The following CTNNBL1 variants were observed in gnomAD, a reference collection of about 807,000 sequenced individuals.
CTNNBL1 encodes catenin beta like 1, also known as beta-catenin-like protein 1.
In CTNNBL1, 31 loss-of-function variants were observed where a neutral mutation model predicts 72.7. That is an observed-to-expected ratio of 0.43 (90% CI 0.32 to 0.58). The LOEUF is 0.58. Ranked by LOEUF, CTNNBL1 falls within the 20% of genes least tolerant of loss-of-function variation. The pLI is 0.08. For missense variants in CTNNBL1, 534 were observed against 725.1 expected (o/e 0.74, Z 3.03); for synonymous variants, 240 against 267.3 (o/e 0.90, Z 1.00).
rs6020386 is a variant in CTNNBL1 at position 37,709,194 on chromosome 20, C to T, written c.30+15042C>T. On this transcript the variant is annotated intron_variant, in intron 1 of 15. Coordinates refer to ENST00000361383, the MANE Select transcript of CTNNBL1 (RefSeq NM_030877.5). ...CCAAGCAGAGTATCATGATGCTTCT[C>T]TCTGAATATATCTGACTTTATTCCA... Among the ~76,000 whole-genome samples the T allele has an allele frequency of 1.7e-3, 258 of 152,280 alleles. 3 individuals carry two copies. Among genetic ancestry groups the T allele is most frequent in the African/African-American group, 5.9e-3 (247 of 41,558 alleles).
At chr20:37,765,876 C>G (rs1203356361) in intron 6 of CTNNBL1, among the ~76,000 whole-genome samples, 1 of 152,116 alleles carries the variant, frequency 6.6e-6, no homozygotes, top group Non-Finnish European at 1.5e-5. Context: ...TTGAATCTCC[C>G]CAGTCTTTCC....
At chr20:37,740,580 G>T (rs2073207457) in intron 3 of CTNNBL1, among the ~76,000 whole-genome samples, 1 of 151,998 alleles carries the variant, frequency 6.6e-6, no homozygotes, top group South Asian at 2.1e-4. Flanking sequence ...ATTTTTGCAG[G>T]GACAGAATTA....
intron 11 of CTNNBL1, among the ~76,000 whole-genome samples, chr20:37,825,541 G>T (rs1474745128): frequency 1.3e-5 from 2 of 152,150 alleles, no homozygotes; most frequent in Non-Finnish European, 2.9e-5. Flanking sequence ...TGGGCGTGGT[G>T]GTGGGCGCCT....
chr20:37,821,021 T>G (rs1040760814), intron 11 of CTNNBL1, among the ~76,000 whole-genome samples: 1 of 152,216 alleles, frequency 6.6e-6, no homozygotes, highest in African/African-American at 2.4e-5. Flanking sequence ...GCTCATCCCC[T>G]GCCCTGTTTC....
At chr20:37,837,725 A>T (rs2072267360) in intron 11 of CTNNBL1, among the ~76,000 whole-genome samples, 1 of 152,190 alleles carries the variant, frequency 6.6e-6, no homozygotes, top group African/African-American at 2.4e-5. Context: ...GTTTGCCCCC[A>T]TGCCCACCTC....
chr20:37,748,329 A>G (rs1391420918), intron 4 of CTNNBL1, among the ~76,000 whole-genome samples: 1 of 152,234 alleles, frequency 6.6e-6, no homozygotes, highest in Non-Finnish European at 1.5e-5. Context: ...GATAGCATCA[A>G]GAATTGATCT....
chr20:37,802,905 T>C lies in CTNNBL1; in HGVS notation c.1070T>C (p.Leu357Pro). The C allele has an allele frequency of 6.2e-7, 1 of 1,614,170 alleles. No individual in the cohort carries two copies. Among genetic ancestry groups the C allele is most frequent in the Non-Finnish European group, 8.5e-7 (1 of 1,180,016 alleles). ...TCCCGGAGCAGTGCCCTGAAAGTGC[T>C]GGACCATGCCATGATTGGCCCCGAA... ...KISRSSALKV[L>P]DHAMIGPEGT... Residue 357 changes from leucine to proline, a missense_variant, in exon 11 of 16, where the codon CTG (leucine) becomes CCG (proline). Physicochemically the swap from Leu to Pro is moderately conservative, Grantham distance 98. Transcript: ENST00000361383.
chr20:37,807,691 AATT>A (rs774713283), intron 11 of CTNNBL1, among the ~76,000 whole-genome samples: 1 of 152,190 alleles, frequency 6.6e-6, no homozygotes, highest in Non-Finnish European at 1.5e-5. Context: ...GAAGGAAAAG[AATT>A]ATTATAATTG....
chr20:37,752,586 T>G (rs778830378), intron 4 of CTNNBL1, among the ~76,000 whole-genome samples: 1 of 151,858 alleles, frequency 6.6e-6, no homozygotes, highest in African/African-American at 2.4e-5. Flanking sequence ...TTGTTCCTTG[T>G]GGAGTCATCT....
intron 1 of CTNNBL1, among the ~76,000 whole-genome samples, chr20:37,731,239 T>A (rs937732971): frequency 2.1e-5 from 3 of 143,036 alleles, no homozygotes; most frequent in African/African-American, 7.5e-5. Context: ...TAACTGAAAC[T>A]TTTTTTTTTT....
At chr20:37,709,283 T>A (rs1368498840) in intron 1 of CTNNBL1, among the ~76,000 whole-genome samples, 1 of 152,218 alleles carries the variant, frequency 6.6e-6, no homozygotes, top group Non-Finnish European at 1.5e-5. Flanking sequence ...GATTCTAGCT[T>A]CATGTTTGGC....
In CTNNBL1 at chr20:37,871,929, T is replaced by C; in HGVS notation, c.1608T>C (p.Tyr536=). The C allele has an allele frequency of 1.2e-6, 2 of 1,613,866 alleles. No homozygotes were observed. Among genetic ancestry groups the C allele is most frequent in the Non-Finnish European group, 1.7e-6 (2 of 1,179,820 alleles). The change falls in exon 16 of 16, where the codon TAT becomes TAC. Residue 536 remains tyrosine, a synonymous_variant. Coordinates refer to ENST00000361383, the MANE Select transcript of CTNNBL1 (RefSeq NM_030877.5). ...ACTCTATCTTTGTCCCCCTAGAGTA[T>C]GCAGAGAACATCGGGGACGGCCGGA... ...IKIVRHIIKE[Y]AENIGDGRSP...
intron 2 of CTNNBL1, among the ~76,000 whole-genome samples, chr20:37,735,855 G>A (rs1350598385): frequency 6.6e-6 from 1 of 152,172 alleles, no homozygotes; most frequent in Non-Finnish European, 1.5e-5. Context: ...CTTAATAGCA[G>A]TTTCTTTATT....
At chr20:37,741,864 A>G (rs2344481) in intron 3 of CTNNBL1, among the ~76,000 whole-genome samples, 23,713 of 151,970 alleles carry the variant, frequency 0.16, 3,450 homozygotes, top group African/African-American at 0.39. Flanking sequence ...TGTTTGTTTT[A>G]TTTTGATAAT....
Position 37,867,787 on chromosome 20 carries a change from G to A in CTNNBL1, c.1604-4138G>A, listed in dbSNP as rs2072548691. 2.0e-5 allele frequency among the ~76,000 whole-genome samples: 3 copies of A among 152,192 alleles called. No individual in the cohort carries two copies. In the South Asian group the frequency reaches 6.2e-4, roughly 32 times the overall value. On this transcript the variant is annotated intron_variant, in intron 15 of 15. Coordinates refer to ENST00000361383, the MANE Select transcript of CTNNBL1 (RefSeq NM_030877.5). ...GAGGACTCTGTTCAATATTTAAACT[G>A]CTGCAGCAGCTGTAATAACCAGAGG...
intron 1 of CTNNBL1, among the ~76,000 whole-genome samples, chr20:37,729,693 A>G (rs559368266): frequency 1.8e-4 from 28 of 152,258 alleles, no homozygotes; most frequent in African/African-American, 6.7e-4. Context: ...GCTTGAAAGA[A>G]TTAGTGTTCC....
chr20:37,791,239 A>G (rs1360177114), intron 10 of CTNNBL1, among the ~76,000 whole-genome samples: 2 of 152,230 alleles, frequency 1.3e-5, no homozygotes, highest in African/African-American at 4.8e-5. Context: ...TTGGGCAGAC[A>G]TTGTAAATTG....
intron 7 of CTNNBL1, among the ~76,000 whole-genome samples, chr20:37,769,774 T>C (rs914134522): frequency 6.6e-6 from 1 of 152,300 alleles, no homozygotes; most frequent in East Asian, 1.9e-4. Flanking sequence ...ACTAAAGTAA[T>C]GCTCTAAGTA....
chr20:37,737,298 A>G (rs998420597), intron 2 of CTNNBL1, 80 bp from the exon 3 acceptor site: 15 of 938,846 alleles, frequency 1.6e-5, no homozygotes, highest in Middle Eastern at 3.1e-4. Context: ...GAGGTGGGGT[A>G]TAAGAGCCAC....
Sources: gnomAD v4.1 joint callset for allele counts (sites outside exome capture counted in the v4.1 genomes callset) on GRCh38, gnomAD v4.1.1 for gene constraint, MANE v1.5 for transcripts, NCBI Gene and HGNC (gene_info 2026-07-23, HGNC 2026-07-21) for gene names.